Variants in PCED1B observed in about 807,000 individuals in gnomAD.
PCED1B encodes PC-esterase domain-containing protein 1B.
For synonymous variants in PCED1B, 251 were observed against 246.1 expected (o/e 1.02, Z -0.19); for missense variants, 573 against 573.9 (o/e 1.00, Z 0.02).
At chr12:47,140,982 C>T (rs1592193071) in intron 2 of PCED1B, among the ~76,000 whole-genome samples, 2 of 152,314 alleles carry the variant, frequency 1.3e-5, no homozygotes, top group East Asian at 3.9e-4. Flanking sequence ...TGACAGACTA[C>T]ATGCCTCTAA....
intron 2 of PCED1B, among the ~76,000 whole-genome samples, chr12:47,108,138 A>G (rs1939037555): frequency 6.6e-6 from 1 of 152,148 alleles, no homozygotes; most frequent in Admixed American, 6.5e-5. Context: ...GACTTGCAAG[A>G]TGATGAGGAT....
intron 2 of PCED1B, among the ~76,000 whole-genome samples, chr12:47,114,454 C>T (rs1285877938): frequency 6.6e-6 from 1 of 152,202 alleles, no homozygotes; most frequent in African/African-American, 2.4e-5. Flanking sequence ...CAGCTTTCTC[C>T]ACACTCTGCT....
chr12:47,186,072 G>A (rs1303160523), intron 2 of PCED1B, among the ~76,000 whole-genome samples: 2 of 151,942 alleles, frequency 1.3e-5, no homozygotes, highest in East Asian at 3.9e-4. Flanking sequence ...AACAAAATTA[G>A]CCAGATGTGG....
intron 2 of PCED1B, among the ~76,000 whole-genome samples, chr12:47,110,675 C>T (rs140250231): frequency 1.8e-4 from 28 of 152,260 alleles, no homozygotes; most frequent in Middle Eastern, 3.4e-3. Context: ...TTTTGGGAGC[C>T]GTCTGTGTCA....
chr12:47,119,092 A>T (rs950716350), intron 2 of PCED1B, among the ~76,000 whole-genome samples: 4 of 152,214 alleles, frequency 2.6e-5, no homozygotes, highest in Non-Finnish European at 4.4e-5. Context: ...ACATGCCTAT[A>T]GCCAGCTGAT....
intron 2 of PCED1B, among the ~76,000 whole-genome samples, chr12:47,148,269 C>T (rs965647025): frequency 5.9e-5 from 9 of 152,120 alleles, no homozygotes; most frequent in Admixed American, 5.2e-4. Flanking sequence ...TTCTTAATAC[C>T]ATCCCAATGA....
chr12:47,141,812 T>C (rs1278158702), intron 2 of PCED1B, among the ~76,000 whole-genome samples: 1 of 152,154 alleles, frequency 6.6e-6, no homozygotes, highest in Non-Finnish European at 1.5e-5. Context: ...CTGGCCTAAG[T>C]TCAGCTGCAG....
intron 2 of PCED1B, among the ~76,000 whole-genome samples, chr12:47,212,365 G>A (rs549955101): frequency 1.2e-4 from 19 of 152,302 alleles, no homozygotes; most frequent in Non-Finnish European, 2.4e-4. Context: ...GCTAAATAAT[G>A]TAAGACCCAG....
At chr12:47,233,946 T>A (rs910853018) in intron 3 of PCED1B, among the ~76,000 whole-genome samples, 10 of 152,178 alleles carry the variant, frequency 6.6e-5, no homozygotes, top group Admixed American at 5.9e-4. Context: ...GCTACTTCCT[T>A]GTAAAAGAAA....
chr12:47,084,934 G>A (rs1308515707), intron 1 of PCED1B, among the ~76,000 whole-genome samples: 1 of 152,132 alleles, frequency 6.6e-6, no homozygotes. Flanking sequence ...TCAGGAGTTG[G>A]GAGACCAGCC....
intron 2 of PCED1B, among the ~76,000 whole-genome samples, chr12:47,136,102 G>A (rs1300126104): frequency 4.9e-5 from 1 of 20,232 alleles, no homozygotes; most frequent in Admixed American, 5.0e-4. Flanking sequence ...TTTTTTTTTG[G>A]CCAATTTGAT....
At chr12:47,085,014 C>A (rs7978189) in intron 1 of PCED1B, among the ~76,000 whole-genome samples, 14,122 of 152,190 alleles carry the variant, frequency 0.093, 822 homozygotes, top group South Asian at 0.27. Flanking sequence ...CATGGCAGCA[C>A]ACACCTATAA....
At chr12:47,140,009 G>A (rs1167145809) in intron 2 of PCED1B, among the ~76,000 whole-genome samples, 1 of 152,030 alleles carries the variant, frequency 6.6e-6, no homozygotes, top group Non-Finnish European at 1.5e-5. Context: ...TACAACAAAA[G>A]CTGATTAAAA....
Sources: gnomAD v4.1 joint callset for allele counts (sites outside exome capture counted in the v4.1 genomes callset) on GRCh38, gnomAD v4.1.1 for gene constraint, MANE v1.5 for transcripts, NCBI Gene and HGNC (gene_info 2026-07-23, HGNC 2026-07-21) for gene names.